USP54: variants seen among roughly 807,000 people sequenced by gnomAD.
USP54 encodes the protein ubiquitin carboxyl-terminal hydrolase 54.
Under a neutral mutation model 170.5 loss-of-function variants are expected in USP54, and 87 were observed. That is an observed-to-expected ratio of 0.51 (90% confidence interval 0.43 to 0.61). The LOEUF (loss-of-function observed/expected upper bound fraction) is 0.61. USP54 is among the 20% of genes least tolerant of loss of function. USP54 has a pLI of 0.00. For missense variants in USP54, 1,786 were observed against 2,047.8 expected (o/e 0.87, Z 2.47); for synonymous variants, 655 against 742.8 (o/e 0.88, Z 1.92).
chr10:73,609,441 G>A lies in USP54; in HGVS notation c.-18+16126C>T, dbSNP rs936314956. Among the ~76,000 whole-genome samples, 10 of 152,224 alleles carry A rather than the reference G, an allele frequency of 6.6e-5. No homozygotes were observed. The South Asian group carries it at 8.3e-4, about 13-fold the overall frequency. ...AAACTTTACCATGAGGCTGGGTGCTGTGGCTCTCGCCTGTAATCCCAGCAC... is the reference window on the plus strand; with the variant it reads ...AAACTTTACCATGAGGCTGGGTGCTATGGCTCTCGCCTGTAATCCCAGCAC... On this transcript the variant is annotated intron_variant, in intron 1 of 22. Coordinates refer to the USP54 transcript ENST00000339859.
intron 1 of USP54, among the ~76,000 whole-genome samples, chr10:73,625,367 G>A (rs112655994): frequency 3.3e-5 from 5 of 152,104 alleles, no homozygotes; most frequent in Non-Finnish European, 5.9e-5. Flanking sequence ...TCTCCGGAAA[G>A]AGGGAAAGGA....
At chr10:73,609,195 T>C (rs925484628) in intron 1 of USP54, among the ~76,000 whole-genome samples, 1 of 152,184 alleles carries the variant, frequency 6.6e-6, no homozygotes, top group East Asian at 1.9e-4. Flanking sequence ...TCAATGACCA[T>C]GAGTAAAGAT....
At chr10:73,520,854 C>A in intron 18 of USP54, 54 bp downstream of exon 18, 1 of 1,611,710 alleles carries the variant, frequency 6.2e-7, no homozygotes. Context: ...ACTAATAATA[C>A]CTATTGTGAA....
chr10:73,582,801 AT>A (rs1381195820), intron 1 of USP54, among the ~76,000 whole-genome samples: 1 of 152,226 alleles, frequency 6.6e-6, no homozygotes, highest in Non-Finnish European at 1.5e-5. Flanking sequence ...ACTCCATGAC[AT>A]TAATAAAAAT....
chr10:73,500,471 A>G (rs932323055), intron 23 of USP54, among the ~76,000 whole-genome samples, 184 bp downstream of exon 23: 3 of 152,252 alleles, frequency 2.0e-5, no homozygotes, highest in Non-Finnish European at 4.4e-5. Flanking sequence ...TCTAAGAATC[A>G]TGGTGCCCAA....
In USP54 at chr10:73,585,172, G is replaced by A. The variant is rs1406015249; in HGVS notation, c.-582+6106C>T. Among the ~76,000 whole-genome samples, 3 of 152,100 alleles carry A rather than the reference G, an allele frequency of 2.0e-5. No individual in the cohort carries two copies. In the East Asian group the frequency reaches 5.8e-4, roughly 29 times the overall value. ...TTTTTTCTTACCTACTTAGTCTACT[G>A]CTAGCACTACAGAAACTTGAACAAA... On this transcript the variant is annotated intron_variant, in intron 1 of 23. Transcript: ENST00000687698.
At chr10:73,511,717 A>G (rs1194225711) in intron 20 of USP54, among the ~76,000 whole-genome samples, 1 of 151,864 alleles carries the variant, frequency 6.6e-6, no homozygotes, top group Non-Finnish European at 1.5e-5. Context: ...ATGTTTTACA[A>G]TAAGATAAAG....
chr10:73,594,903 GTTTT>G (rs891034658), upstream of USP54, among the ~76,000 whole-genome samples: 1 of 150,470 alleles, frequency 6.6e-6, no homozygotes, highest in Non-Finnish European at 1.5e-5. Context: ...AGTCTAGTGG[GTTTT>G]TTTTTAACTT....
At chr10:73,594,079 T>G (rs1227213127), upstream of USP54, among the ~76,000 whole-genome samples, 3 of 149,910 alleles carry the variant, frequency 2.0e-5, no homozygotes, top group Non-Finnish European at 4.5e-5. Flanking sequence ...AAAAGACTCT[T>G]TTTTTTTTTG....
At chr10:73,572,772 G>A (rs1038878411) in intron 3 of USP54, among the ~76,000 whole-genome samples, 5 of 152,050 alleles carry the variant, frequency 3.3e-5, no homozygotes, top group Admixed American at 3.3e-4. Flanking sequence ...ATATGTATGT[G>A]TATATATATT....
intron 3 of USP54, among the ~76,000 whole-genome samples, chr10:73,573,677 A>AT (rs2075638131): frequency 6.6e-6 from 1 of 152,228 alleles, no homozygotes; most frequent in Non-Finnish European, 1.5e-5. Context: ...AGGCAGGAGA[A>AT]TCGCTTGAAC....
At chr10:73,554,508 G>C (rs1473502411) in intron 4 of USP54, among the ~76,000 whole-genome samples, 1 of 152,172 alleles carries the variant, frequency 6.6e-6, no homozygotes, top group Non-Finnish European at 1.5e-5. Context: ...TTGGTTTTCT[G>C]TATTCAAAAG....
At chr10:73,545,184 A>G (rs2067513417) in intron 5 of USP54, among the ~76,000 whole-genome samples, 1 of 152,186 alleles carries the variant, frequency 6.6e-6, no homozygotes, top group Non-Finnish European at 1.5e-5. Context: ...GAGCAGCATC[A>G]GTATTAGCAT....
intron 1 of USP54, among the ~76,000 whole-genome samples, chr10:73,598,068 G>A (rs113171962): frequency 0.035 from 5,351 of 152,130 alleles, 154 homozygotes; most frequent in South Asian, 0.11. Flanking sequence ...CTGGGCAACA[G>A]AGCAAGACTC....
Position 73,500,734 on chromosome 10 carries a change from T to C in USP54, c.4416A>G (p.Gln1472=), listed in dbSNP as rs1320215527. ...GGAACTGTGGTTGGGGAAGGTAGAG[T>C]TGGGGACCGAGGAGAAACACAGAAG... ...HDPSVFLLGP[Q]LYLPQPQFLS... The change falls in exon 23 of 24, where the codon CAA becomes CAG. Residue 1472 remains glutamine (Q), a synonymous_variant. Coordinates refer to ENST00000687698, the MANE Select transcript of USP54 (RefSeq NM_001391956.1). 2 of 1,604,790 alleles carry C rather than the reference T, an allele frequency of 1.2e-6. No homozygotes were observed. The highest frequency in any genetic ancestry group is 2.3e-5 in the East Asian group (1 of 43,490).
At chr10:73,499,770 G>T (rs544688674) in intron 23 of USP54, 1 of 151,902 alleles carries the variant, frequency 6.6e-6, no homozygotes, top group Admixed American at 6.5e-5. Flanking sequence ...AGCTGCCTTT[G>T]TTTGATCTCT....
rs189482360 is a variant in USP54 at position 73,531,277 on chromosome 10, C to T, written c.1316-442G>A. ...CTGCACTCCAGCCTGGACGACAGAG[C>T]AAGACTGTCTCAAAAAAAAAAAAAA... On this transcript the variant is annotated intron_variant, in intron 12 of 23. Transcript: ENST00000687698. Among the ~76,000 whole-genome samples the T allele has an allele frequency of 1.7e-3, 241 of 144,742 alleles. 1 individual carries two copies. The highest frequency in any genetic ancestry group is 5.9e-3 in the African/African-American group (230 of 38,918). The allele number at this position is 144,742 out of a possible 152,430, so 95.0% of individuals were successfully genotyped here.
At chr10:73,525,208 A>G (rs927262471) in intron 16 of USP54, among the ~76,000 whole-genome samples, 1 of 152,218 alleles carries the variant, frequency 6.6e-6, no homozygotes, top group Non-Finnish European at 1.5e-5. Flanking sequence ...CCGCAATGGT[A>G]ACACTGGCTC....
upstream of USP54, chr10:73,625,883 A>C (rs1589439816): frequency 7.6e-6 from 1 of 131,298 alleles, no homozygotes; most frequent in Non-Finnish European, 1.6e-5. Context: ...CCCAGGCGCT[A>C]CCCCCTGCAC....
Sources: gnomAD v4.1 joint callset for allele counts (sites outside exome capture counted in the v4.1 genomes callset) on GRCh38, gnomAD v4.1.1 for gene constraint, MANE v1.5 for transcripts, NCBI Gene and HGNC (gene_info 2026-07-23, HGNC 2026-07-21) for gene names.